The following NUMB variants were observed in gnomAD, a reference collection of about 807,000 sequenced individuals.
NUMB encodes the protein NUMB endocytic adaptor protein, also known as protein numb homolog.
A neutral mutation model predicts 59.7 loss-of-function variants in NUMB; 29 were observed. That is an observed-to-expected ratio of 0.49 (90% CI 0.36 to 0.66). NUMB has a LOEUF of 0.66. NUMB is among the 30% of genes least tolerant of loss of function. The pLI is 0.00. For synonymous variants in NUMB, 288 were observed against 288.2 expected (o/e 1.00, Z 0.01); for missense variants, 723 against 822.0 (o/e 0.88, Z 1.47).
chr14:73,345,927 C>CA (rs796299795), intron 4 of NUMB, among the ~76,000 whole-genome samples: 1 of 151,728 alleles, frequency 6.6e-6, no homozygotes. Flanking sequence ...ACCAAAAAAA[C>CA]AAAAAAATTT....
chr14:73,326,600 T>C (rs1170603643), intron 4 of NUMB, among the ~76,000 whole-genome samples: 2 of 151,292 alleles, frequency 1.3e-5, no homozygotes, highest in Non-Finnish European at 2.9e-5. Context: ...GTACTCCAGC[T>C]TGGGCAACAA....
chr14:73,432,524 A>G (rs1222252412), intron 1 of NUMB, among the ~76,000 whole-genome samples: 2 of 152,162 alleles, frequency 1.3e-5, no homozygotes, highest in Non-Finnish European at 2.9e-5. Flanking sequence ...AAAACTTTAA[A>G]GATCATCCAG....
At chr14:73,423,966 CAA>C (rs34582645) in intron 1 of NUMB, among the ~76,000 whole-genome samples, 748 of 74,268 alleles carry the variant, frequency 0.01, 3 homozygotes, top group South Asian at 0.042. Flanking sequence ...ACCCTGTCTC[CAA>C]AAAAAAAAAA....
chr14:73,302,763 C>G (rs1890222266), intron 6 of NUMB, among the ~76,000 whole-genome samples: 1 of 151,916 alleles, frequency 6.6e-6, no homozygotes, highest in Non-Finnish European at 1.5e-5. Context: ...ACCATATAAA[C>G]TAAGATTTCT....
At chr14:73,325,895 GC>G (rs2139932375) in intron 4 of NUMB, among the ~76,000 whole-genome samples, 1 of 152,318 alleles carries the variant, frequency 6.6e-6, no homozygotes, top group Admixed American at 6.5e-5. Context: ...AGGGGGAACT[GC>G]CTCTCTGTTT....
intron 4 of NUMB, among the ~76,000 whole-genome samples, chr14:73,349,650 C>T (rs1370525451): frequency 3.3e-5 from 5 of 151,256 alleles, no homozygotes; most frequent in East Asian, 1.9e-4. Context: ...GAGGCCGAGA[C>T]GGGTGGATCA....
At chr14:73,289,013 G>A (rs972921824) in intron 8 of NUMB, among the ~76,000 whole-genome samples, 6 of 152,158 alleles carry the variant, frequency 3.9e-5, no homozygotes, top group African/African-American at 7.2e-5. Context: ...GTGACATAAT[G>A]AGACCCTGTC....
Position 73,293,858 on chromosome 14 carries a change from T to C in NUMB, c.310-984A>G, listed in dbSNP as rs147673507. On this transcript the variant is annotated intron_variant, in intron 7 of 12. Transcript: ENST00000555238. ...TTCAGTGTACCATTTTCTGTACTAG[T>C]TGTGGTGATGCTATAAACACAAAAC... 3.1e-3 allele frequency among the ~76,000 whole-genome samples: 474 copies of C among 152,358 alleles called. 3 individuals carry two copies. The highest frequency in any genetic ancestry group is 0.011 in the African/African-American group (448 of 41,588).
chr14:73,446,084 C>A (rs1196331454), intron 1 of NUMB, among the ~76,000 whole-genome samples: 1 of 151,472 alleles, frequency 6.6e-6, no homozygotes, highest in Non-Finnish European at 1.5e-5. Flanking sequence ...GCAACCTCCA[C>A]CTCCCAGGTT....
At chr14:73,374,511 TTCTC>T (rs1169105062) in intron 2 of NUMB, among the ~76,000 whole-genome samples, 3 of 152,160 alleles carry the variant, frequency 2.0e-5, no homozygotes, top group African/African-American at 7.2e-5. Flanking sequence ...TGGTGGTTCT[TTCTC>T]TGTCCAGATC....
chr14:73,366,088 G>T, intron 3 of NUMB, among the ~76,000 whole-genome samples: 1 of 152,152 alleles, frequency 6.6e-6, no homozygotes, highest in East Asian at 1.9e-4. Context: ...TGAAAATATG[G>T]ACATTTATTC....
At chr14:73,427,594 C>CT (rs2140162553) in intron 1 of NUMB, among the ~76,000 whole-genome samples, 1 of 152,142 alleles carries the variant, frequency 6.6e-6, no homozygotes, top group African/African-American at 2.4e-5. Context: ...GAATTGGGGT[C>CT]TAGAGGCAAT....
intron 2 of NUMB, among the ~76,000 whole-genome samples, chr14:73,405,062 A>G (rs1896594686): frequency 6.6e-6 from 1 of 152,142 alleles, no homozygotes; most frequent in Non-Finnish European, 1.5e-5. Flanking sequence ...TTCAAAACAA[A>G]AAGTTAAAAA....
intron 2 of NUMB, among the ~76,000 whole-genome samples, chr14:73,368,650 T>C (rs116927885): frequency 0.013 from 2,027 of 152,206 alleles, 16 homozygotes; most frequent in Middle Eastern, 0.027. Context: ...ATAGAGAACC[T>C]ACTGTGTGTA....
intron 1 of NUMB, among the ~76,000 whole-genome samples, chr14:73,415,084 T>C (rs578029382): frequency 6.6e-6 from 1 of 152,336 alleles, no homozygotes; most frequent in East Asian, 1.9e-4. Context: ...TACCAATAGA[T>C]GCTCTAACAA....
intron 1 of NUMB, among the ~76,000 whole-genome samples, chr14:73,411,261 G>C (rs1050067764): frequency 1.3e-5 from 2 of 152,116 alleles, no homozygotes; most frequent in Non-Finnish European, 2.9e-5. Flanking sequence ...ACTATGTTGC[G>C]CAGGCTGAAT....
chr14:73,303,694 C>G (rs955291728), intron 6 of NUMB, among the ~76,000 whole-genome samples: 1 of 152,122 alleles, frequency 6.6e-6, no homozygotes, highest in Non-Finnish European at 1.5e-5. Flanking sequence ...CATCGCTGCT[C>G]TAACACTTTC....
At chr14:73,330,196 A>C (rs1891886161) in intron 4 of NUMB, among the ~76,000 whole-genome samples, 1 of 151,996 alleles carries the variant, frequency 6.6e-6, no homozygotes, top group South Asian at 2.1e-4. Context: ...CACCCAGTTA[A>C]TTTTTGTATT....
chr14:73,403,986 A>G (rs1896541164), intron 2 of NUMB, among the ~76,000 whole-genome samples: 1 of 151,590 alleles, frequency 6.6e-6, no homozygotes, highest in Non-Finnish European at 1.5e-5. Context: ...CCAGCTACTC[A>G]GGAGACTGAG....
Sources: allele counts gnomAD v4.1 joint callset (sites outside exome capture counted in the v4.1 genomes callset), GRCh38; gene constraint gnomAD v4.1.1; transcripts MANE v1.5; gene names NCBI Gene and HGNC (gene_info 2026-07-23, HGNC 2026-07-21).